SAMD12: variants seen among roughly 807,000 people sequenced by gnomAD.
SAMD12 encodes the protein sterile alpha motif domain containing 12, also known as sterile alpha motif domain-containing protein 12.
Under a neutral mutation model 15.0 loss-of-function variants are expected in SAMD12, and 9 were observed. That is an observed-to-expected ratio of 0.60 (90% CI 0.36 to 1.05). The LOEUF (loss-of-function observed/expected upper bound fraction) is 1.05. Ranked by LOEUF, SAMD12 falls within the 50% of genes least tolerant of loss-of-function variation. The pLI is 0.01. For missense variants in SAMD12, 230 were observed against 234.2 expected (o/e 0.98, Z 0.12); for synonymous variants, 86 against 90.1 (o/e 0.96, Z 0.25).
intron 1 of SAMD12, among the ~76,000 whole-genome samples, chr8:118,601,651 C>T (rs919130206): frequency 2.0e-5 from 3 of 152,180 alleles, no homozygotes; most frequent in Non-Finnish European, 2.9e-5. Context: ...CTCCACTGAT[C>T]CCTCCCTAAG....
At chr8:118,550,109 A>G (rs1826276595) in intron 2 of SAMD12, among the ~76,000 whole-genome samples, 5 of 152,218 alleles carry the variant, frequency 3.3e-5, no homozygotes, top group Admixed American at 3.3e-4. Flanking sequence ...ACTCTGCAGG[A>G]TATTATCCAG....
intron 4 of SAMD12, among the ~76,000 whole-genome samples, chr8:118,293,222 C>T (rs1814515467): frequency 6.6e-6 from 1 of 152,058 alleles, no homozygotes. Context: ...TAAGGATTAC[C>T]CAGACCTAGT....
In SAMD12 at chr8:118,620,214, C is replaced by T. The variant is rs1204346900; in HGVS notation, c.13+1590G>A. ...GGACTAGCAACAAAGAGGAGTGTCC[C>T]TGTCTTGGGGACACAGGAGTGGTGA... is the stretch of plus-strand genomic sequence containing the variant. On this transcript the variant is annotated intron_variant, in intron 1 of 3. Transcript: ENST00000314727. Among the ~76,000 whole-genome samples the T allele has an allele frequency of 2.0e-5, 3 of 152,158 alleles. No individual in the cohort carries two copies. The East Asian group carries it at 5.8e-4, about 30-fold the overall frequency.
intron 4 of SAMD12, among the ~76,000 whole-genome samples, chr8:118,204,710 C>T (rs1195482764): frequency 5.3e-5 from 8 of 151,808 alleles, no homozygotes; most frequent in Non-Finnish European, 2.9e-5. Flanking sequence ...GCCGAGATTG[C>T]GTCACTGCAC....
the SAMD12 span, among the ~76,000 whole-genome samples, chr8:118,141,999 T>C: frequency 2.6e-5 from 4 of 152,216 alleles, no homozygotes; most frequent in African/African-American, 7.2e-5. Flanking sequence ...CATAGTAACA[T>C]GAAATGATAC....
intron 2 of SAMD12, among the ~76,000 whole-genome samples, chr8:118,484,458 G>A (rs71530902): frequency 6.6e-6 from 1 of 152,092 alleles, no homozygotes; most frequent in African/African-American, 2.4e-5. Context: ...ATAAAAATTA[G>A]AGCGGGCTGG....
At chr8:118,394,066 G>C (rs1820427914) in intron 3 of SAMD12, among the ~76,000 whole-genome samples, 1 of 152,194 alleles carries the variant, frequency 6.6e-6, no homozygotes. Flanking sequence ...AATATGGATT[G>C]ACACTGGCAT....
intron 1 of SAMD12, among the ~76,000 whole-genome samples, chr8:118,585,006 T>C (rs951030993): frequency 2.0e-5 from 3 of 152,008 alleles, no homozygotes; most frequent in Admixed American, 1.3e-4. Flanking sequence ...TGTATGCTCA[T>C]GTACATAGCA....
chr8:118,374,126 C>T (rs929740727), downstream of SAMD12, among the ~76,000 whole-genome samples: 4 of 152,048 alleles, frequency 2.6e-5, no homozygotes, highest in Non-Finnish European at 5.9e-5. Context: ...AAAACTGAAA[C>T]TTGTACATGA....
chr8:118,523,382 G>T (rs1325090156), intron 2 of SAMD12, among the ~76,000 whole-genome samples: 1 of 152,148 alleles, frequency 6.6e-6, no homozygotes, highest in African/African-American at 2.4e-5. Flanking sequence ...AAGCAATCAT[G>T]AATCAGCTCC....
chr8:118,618,435 AAC>A (rs1256190330), intron 1 of SAMD12, among the ~76,000 whole-genome samples: 2 of 152,224 alleles, frequency 1.3e-5, no homozygotes, highest in African/African-American at 4.8e-5. Context: ...CAGGATATAA[AAC>A]ACATGCCAAA....
chr8:118,586,219 T>A (rs983711978), intron 1 of SAMD12, among the ~76,000 whole-genome samples: 3 of 152,224 alleles, frequency 2.0e-5, no homozygotes, highest in African/African-American at 7.2e-5. Context: ...TTCCTTTCCC[T>A]TATTTGCATA....
chr8:118,152,854 G>A, the SAMD12 span, among the ~76,000 whole-genome samples: 1 of 152,180 alleles, frequency 6.6e-6, no homozygotes, highest in Non-Finnish European at 1.5e-5. Context: ...CACTGGTAGT[G>A]GGATTTGTTC....
intron 2 of SAMD12, among the ~76,000 whole-genome samples, chr8:118,574,384 A>G (rs545903921): frequency 6.6e-6 from 1 of 152,350 alleles, no homozygotes; most frequent in South Asian, 2.1e-4. Flanking sequence ...TGTCAGCATA[A>G]AAGAGTGAAA....
intron 2 of SAMD12, among the ~76,000 whole-genome samples, chr8:118,546,603 A>G (rs938654467): frequency 6.6e-6 from 1 of 152,218 alleles, no homozygotes; most frequent in Non-Finnish European, 1.5e-5. Context: ...AGACATTTCT[A>G]GAAGATTTTT....
chr8:118,156,020 G>A, the SAMD12 span, among the ~76,000 whole-genome samples: 4 of 152,106 alleles, frequency 2.6e-5, no homozygotes, highest in Non-Finnish European at 5.9e-5. Flanking sequence ...TAGCATTATT[G>A]CATGATTTAT....
chr8:118,171,383 G>A, the SAMD12 span, among the ~76,000 whole-genome samples: 1 of 152,160 alleles, frequency 6.6e-6, no homozygotes, highest in African/African-American at 2.4e-5. Context: ...AAAATGTGTA[G>A]ATGAGTATTT....
intron 3 of SAMD12, among the ~76,000 whole-genome samples, chr8:118,416,524 C>T (rs2130829084): frequency 6.6e-6 from 1 of 152,168 alleles, no homozygotes; most frequent in East Asian, 1.9e-4. Flanking sequence ...TGAAATAACA[C>T]TTTGCTAGTT....
At chr8:118,377,534 G>T (rs986112714), downstream of SAMD12, among the ~76,000 whole-genome samples, 2 of 152,176 alleles carry the variant, frequency 1.3e-5, no homozygotes, top group Non-Finnish European at 2.9e-5. Flanking sequence ...AATTAAAAAT[G>T]TACAGCTTTT....
Sources: gnomAD v4.1 joint callset for allele counts (sites outside exome capture counted in the v4.1 genomes callset) on GRCh38, gnomAD v4.1.1 for gene constraint, MANE v1.5 for transcripts, NCBI Gene and HGNC (gene_info 2026-07-23, HGNC 2026-07-21) for gene names.